The following SUN3 variants were observed in gnomAD, a reference collection of about 807,000 sequenced individuals.
The protein encoded by SUN3 is Sad1 and UNC84 domain containing 3, also known as SUN domain-containing protein 3.
In SUN3, 36 loss-of-function variants were observed where a neutral mutation model predicts 48.2. That is an observed-to-expected ratio of 0.75 (90% CI 0.57 to 0.99). SUN3 has a LOEUF of 0.99. Ranked by LOEUF, SUN3 falls within the 50% of genes least tolerant of loss-of-function variation. SUN3 has a pLI of 0.00. For missense variants in SUN3, 419 were observed against 433.1 expected (o/e 0.97, Z 0.29); for synonymous variants, 148 against 147.9 (o/e 1.00, Z 0.00).
chr7:48,033,106 T>C (rs1276347165), upstream of SUN3, among the ~76,000 whole-genome samples: 4 of 152,248 alleles, frequency 2.6e-5, no homozygotes, highest in African/African-American at 7.2e-5. Flanking sequence ...GATTATGTGG[T>C]AGAAAGATGA....
At chr7:48,001,252 C>T (rs1789358593) in intron 6 of SUN3, among the ~76,000 whole-genome samples, 1 of 152,146 alleles carries the variant, frequency 6.6e-6, no homozygotes, top group African/African-American at 2.4e-5. Flanking sequence ...CTCCATCCTC[C>T]AATAGGCCCC....
intron 6 of SUN3, among the ~76,000 whole-genome samples, chr7:48,000,603 C>T (rs7807612): frequency 0.43 from 65,501 of 151,864 alleles, 14,305 homozygotes; most frequent in Middle Eastern, 0.55. Flanking sequence ...ATTTTGCCTT[C>T]ATTCCTGAAA....
chr7:48,006,333 C>T (rs937337144), intron 5 of SUN3, among the ~76,000 whole-genome samples: 5 of 152,064 alleles, frequency 3.3e-5, no homozygotes, highest in Admixed American at 6.5e-5. Context: ...TCTTCTGAAG[C>T]CCTAACCACT....
upstream of SUN3, among the ~76,000 whole-genome samples, chr7:48,029,657 T>C (rs1790227643): frequency 6.6e-6 from 1 of 152,204 alleles, no homozygotes; most frequent in Non-Finnish European, 1.5e-5. Flanking sequence ...TTCAGTTTTT[T>C]TGGCAAGGAA....
At chr7:48,001,598 A>G (rs1789378292) in intron 6 of SUN3, among the ~76,000 whole-genome samples, 1 of 144,104 alleles carries the variant, frequency 6.9e-6, no homozygotes. Context: ...CAGTGATGCA[A>G]TCTTGGCTCA....
chr7:47,996,416 A>G (rs1389571152), intron 6 of SUN3, among the ~76,000 whole-genome samples: 1 of 152,200 alleles, frequency 6.6e-6, no homozygotes, highest in Non-Finnish European at 1.5e-5. Flanking sequence ...TAGAGATGAG[A>G]ATATTATATG....
At chr7:48,006,661 G>C (rs191588408) in intron 5 of SUN3, among the ~76,000 whole-genome samples, 1 of 152,310 alleles carries the variant, frequency 6.6e-6, no homozygotes, top group Admixed American at 6.5e-5. Flanking sequence ...GGTCTGGAGG[G>C]CGGCAGGTGG....
At chr7:48,023,830 C>T (rs1333728578) in intron 2 of SUN3, among the ~76,000 whole-genome samples, 2 of 152,132 alleles carry the variant, frequency 1.3e-5, no homozygotes, top group African/African-American at 4.8e-5. Flanking sequence ...TAAAGCTGTC[C>T]ACAGATTCAA....
chr7:48,001,531 G>GT lies in SUN3; in HGVS notation c.577+4437dup, dbSNP rs1166666161. On this transcript the variant is annotated intron_variant, in intron 6 of 9. Coordinates refer to ENST00000297325, the MANE Select transcript of SUN3 (RefSeq NM_001030019.2). ...GTTCCATGTCTTTTCTGTTTTTTTT[G>GT]TTTTTTTTTTTTTTTTTTTTGAGAC... 5.6e-3 allele frequency among the ~76,000 whole-genome samples: 623 copies of GT among 110,494 alleles called. 16 individuals are homozygous for GT. The highest frequency in any genetic ancestry group is 0.018 in the African/African-American group (503 of 27,528). The allele number at this position is 110,494 out of a possible 152,430, so 72.5% of individuals were successfully genotyped here. A position where few individuals can be genotyped will look rare whatever the true frequency, so the allele number is the denominator to read the frequency against.
At chr7:48,007,604 C>T (rs921909637) in intron 4 of SUN3, among the ~76,000 whole-genome samples, 48 of 152,286 alleles carry the variant, frequency 3.2e-4, no homozygotes, top group African/African-American at 1.1e-3. Flanking sequence ...GCTGGTCCCC[C>T]AGCTGGGTAA....
intron 4 of SUN3, 35 bp downstream of exon 4, chr7:48,009,000 C>A: frequency 6.3e-7 from 1 of 1,597,840 alleles, no homozygotes; most frequent in Non-Finnish European, 8.5e-7. Flanking sequence ...TGAAACCACA[C>A]CAAAAAGAGG....
intron 6 of SUN3, 149 bp from the exon 7 acceptor site, chr7:47,996,295 A>G (rs1402625560): frequency 7.7e-6 from 4 of 519,206 alleles, no homozygotes; most frequent in Admixed American, 4.0e-5. Context: ...TAGGAAAAGT[A>G]TGACAGTTTT....
At chr7:48,011,443 A>G (rs1789680790) in intron 3 of SUN3, among the ~76,000 whole-genome samples, 2 of 152,232 alleles carry the variant, frequency 1.3e-5, no homozygotes, top group Admixed American at 6.5e-5. Flanking sequence ...CTGAACAATT[A>G]CACTTCTTAT....
At chr7:48,009,507 G>A (rs867543841) in intron 3 of SUN3, among the ~76,000 whole-genome samples, 1 of 152,176 alleles carries the variant, frequency 6.6e-6, no homozygotes, top group Admixed American at 6.5e-5. Flanking sequence ...ACCATGCTGA[G>A]CTCTTTGGGC....
chr7:48,014,015 G>T (rs1789746276), intron 3 of SUN3, among the ~76,000 whole-genome samples: 1 of 152,148 alleles, frequency 6.6e-6, no homozygotes, highest in South Asian at 2.1e-4. Context: ...ACTCAGGCTG[G>T]AGTGCAGTGG....
chr7:47,999,131 G>A (rs1188324957), intron 6 of SUN3, among the ~76,000 whole-genome samples: 1 of 151,692 alleles, frequency 6.6e-6, no homozygotes, highest in Non-Finnish European at 1.5e-5. Context: ...CCATAAACAT[G>A]GTATACTTGT....
rs780627454 is a variant in SUN3, at chr7:48,017,404, C to T, written c.185-39G>A. The stretch of plus-strand genomic sequence containing the variant: ...GACAAACTTTGATTAAAGAGTTTCT[C>T]TGGAAACATAAAATATTTTACATGT... On this transcript the variant is annotated intron_variant, in intron 2 of 9. Coordinates refer to ENST00000297325, the MANE Select transcript of SUN3 (RefSeq NM_001030019.2). The T allele has an allele frequency of 7.0e-6, 8 of 1,137,906 alleles. No individual in the cohort carries two copies. The South Asian group carries it at 1.1e-4, about 15-fold the overall frequency. 70.5% of individuals were successfully genotyped at this position (1,137,906 alleles called of 1,614,324 possible). A position where few individuals can be genotyped will look rare whatever the true frequency, so the allele number is the denominator to read the frequency against.
upstream of SUN3, among the ~76,000 whole-genome samples, chr7:48,031,832 GCACACACACACACA>G (rs3073706): frequency 1.4e-5 from 2 of 142,270 alleles, no homozygotes; most frequent in African/African-American, 2.6e-5. Flanking sequence ...TGTGATTTAT[GCACACACACACACA>G]CACACACACA....
Position 48,007,246 on chromosome 7 carries a change from T to C in SUN3, c.411A>G (p.Leu137=), listed in dbSNP as rs747059775. The change falls in exon 5 of 10, where the codon CTA becomes CTG. Residue 137 remains leucine (L), a synonymous_variant. Transcript: ENST00000297325. ...TGTCCATACCATCCTTCATATCTCT[T>C]AGCAATGCCTTCAGGACATCTATTT... ...IEQIDVLKAL[L]RDMKDGMDNN... is the part of the protein sequence containing the mutation. 2 of 1,614,118 alleles carry C rather than the reference T, an allele frequency of 1.2e-6. No individual in the cohort carries two copies. The highest frequency in any genetic ancestry group is 1.1e-5 in the South Asian group (1 of 91,080).
Sources: gnomAD v4.1 joint callset for allele counts (sites outside exome capture counted in the v4.1 genomes callset) on GRCh38, gnomAD v4.1.1 for gene constraint, MANE v1.5 for transcripts, NCBI Gene and HGNC (gene_info 2026-07-23, HGNC 2026-07-21) for gene names.